VSIR: variants seen among roughly 807,000 people sequenced by gnomAD.
The protein encoded by VSIR is V-set immunoregulatory receptor, also known as V-type immunoglobulin domain-containing suppressor of T-cell activation.
In VSIR, 10 loss-of-function variants were observed where a neutral mutation model predicts 31.0. That is an observed-to-expected ratio of 0.32 (90% CI 0.20 to 0.55). The LOEUF is 0.55. VSIR is among the 20% of genes least tolerant of loss of function. VSIR has a pLI of 0.93. For missense variants in VSIR, 356 were observed against 416.2 expected (o/e 0.86, Z 1.26); for synonymous variants, 179 against 180.1 (o/e 0.99, Z 0.05).
chr10:71,765,281 C>T (rs565296845), intron 1 of VSIR, among the ~76,000 whole-genome samples: 4 of 152,232 alleles, frequency 2.6e-5, no homozygotes, highest in African/African-American at 4.8e-5. Context: ...GCTTCAGCTA[C>T]GGTAGTATTT....
intron 5 of VSIR, among the ~76,000 whole-genome samples, chr10:71,752,730 G>T (rs75964469): frequency 0.079 from 12,077 of 152,220 alleles, 485 homozygotes; most frequent in Middle Eastern, 0.095. Context: ...CCTGGCCCAG[G>T]CTGACCACTG....
intron 1 of VSIR, 120 bp from the exon 2 acceptor site, chr10:71,762,146 C>T: frequency 1.7e-6 from 2 of 1,178,684 alleles, no homozygotes; most frequent in Non-Finnish European, 2.3e-6. Flanking sequence ...GGCATGTCAG[C>T]TGACCTCCCT....
intron 1 of VSIR, among the ~76,000 whole-genome samples, chr10:71,767,798 A>T (rs1327303381): frequency 3.3e-5 from 5 of 152,206 alleles, no homozygotes; most frequent in Admixed American, 3.3e-4. Flanking sequence ...GTGTCCATTC[A>T]CATCAGACCA....
Position 71,760,314 on chromosome 10 carries a change from C to CATATAT in VSIR, c.568+548_568+553dup, listed in dbSNP as rs71018220. On this transcript the variant is annotated intron_variant, in intron 3 of 6. Transcript: ENST00000394957. ...GTGTATATATATGTATATACACACA[C>CATATAT]ATATATATATATATATATCCCTGAG... Among the ~76,000 whole-genome samples the CATATAT allele has an allele frequency of 1.1e-3, 91 of 82,420 alleles. 2 individuals carry two copies. Among genetic ancestry groups the CATATAT allele is most frequent in the African/African-American group, 2.4e-3 (70 of 28,860 alleles). 54.1% of individuals were successfully genotyped at this position (82,420 alleles called of 152,430 possible).
At chr10:71,771,557 G>A (rs897920871) in intron 1 of VSIR, among the ~76,000 whole-genome samples, 2 of 152,202 alleles carry the variant, frequency 1.3e-5, no homozygotes, top group Non-Finnish European at 1.5e-5. Flanking sequence ...AGGGAGTTGG[G>A]TGAATATCTA....
rs764853756 is a variant in VSIR, at chr10:71,761,817, G to A, written c.292C>T (p.His98Tyr). The A allele has an allele frequency of 6.8e-6, 11 of 1,614,130 alleles. No homozygotes were observed. The highest frequency in any genetic ancestry group is 1.6e-4 in the Middle Eastern group (1 of 6,062). The change falls in exon 2 of 7, where the codon CAC becomes TAC. Residue 98 changes from histidine to tyrosine, a missense_variant. His to Tyr is a moderately conservative substitution (Grantham distance 83). Coordinates refer to ENST00000394957, the MANE Select transcript of VSIR (RefSeq NM_022153.2). ...PIRNLTFQDL[H>Y]LHHGGHQAAN... ...GCCTGGTGGCCTCCATGGTGCAGGT[G>A]AAGGTCCTGGAACGTGAGGTTGCGG... is the stretch of plus-strand genomic sequence containing the variant.
rs1448335208 is a variant in VSIR at position 71,748,479 on chromosome 10, C to G, written c.*2774G>C. 2 of 152,276 alleles carry G rather than the reference C, an allele frequency of 1.3e-5. No individual in the cohort carries two copies. Among genetic ancestry groups the G allele is most frequent in the East Asian group, 3.8e-4 (2 of 5,202 alleles). The allele number at this position is 152,276 out of a possible 1,614,324, so 9.4% of individuals were successfully genotyped here. ...AGCAAAACCCTCCAAATGGTGCTTT[C>G]AATTCCATTCCTTCAGCCTCTCCCT... On this transcript the variant is annotated 3_prime_UTR_variant, in exon 7 of 7. Transcript: ENST00000394957.
rs373037223 is a variant in VSIR, at chr10:71,750,413, G to T, written c.*840C>A. On this transcript the variant is annotated 3_prime_UTR_variant, in exon 7 of 7. Transcript: ENST00000394957. ...TTGTGTGGCACCCTTGCAATGGCCC[G>T]CGCTGAGCAGTGGGAGTAGGGGATG... The T allele has an allele frequency of 1.3e-5, 2 of 152,292 alleles. No homozygotes were observed. Among genetic ancestry groups the T allele is most frequent in the African/African-American group, 2.4e-5 (1 of 41,458 alleles). 9.4% of individuals were successfully genotyped at this position (152,292 alleles called of 1,614,324 possible).
At chr10:71,763,218 G>A (rs894982575) in intron 1 of VSIR, among the ~76,000 whole-genome samples, 2 of 152,176 alleles carry the variant, frequency 1.3e-5, no homozygotes, top group Non-Finnish European at 2.9e-5. Context: ...CTGTTGCCCA[G>A]GCTGACCTTG....
chr10:71,752,437 G>T (rs1173356131), intron 5 of VSIR, among the ~76,000 whole-genome samples: 1 of 152,108 alleles, frequency 6.6e-6, no homozygotes, highest in Non-Finnish European at 1.5e-5. Flanking sequence ...CAGGAACTTG[G>T]GTTCCCTGAA....
intron 4 of VSIR, chr10:71,755,116 A>C (rs1449868159): frequency 1.5e-6 from 1 of 648,706 alleles, no homozygotes; most frequent in South Asian, 1.5e-5. Context: ...ACATGTATTG[A>C]GTGCCGAGCC....
chr10:71,753,310 T>C (rs1198973417), intron 4 of VSIR, among the ~76,000 whole-genome samples: 1 of 152,256 alleles, frequency 6.6e-6, no homozygotes. Context: ...CTTTCTCCTA[T>C]GGCTTGACTT....
rs1199726383 is a variant in VSIR at position 71,749,118 on chromosome 10, TCAG to T, written c.*2132_*2134del. On this transcript the variant is annotated 3_prime_UTR_variant, in exon 7 of 7. Coordinates refer to ENST00000394957, the MANE Select transcript of VSIR (RefSeq NM_022153.2). ...CTTAGAAGTTGTCTCTGCCTCAAGG[TCAG>T]CAGCTGAGGGCTGGGGCCAGGCCAG... 2.0e-5 allele frequency: 3 copies of T among 152,052 alleles called. No individual in the cohort carries two copies. Among genetic ancestry groups the T allele is most frequent in the Admixed American group, 2.0e-4 (3 of 15,294 alleles). 9.4% of individuals were successfully genotyped at this position (152,052 alleles called of 1,614,324 possible).
At position 71,761,882 on chromosome 10, in the gene VSIR, G is replaced by C. The variant is rs572650329; in HGVS notation, c.227C>G (p.Ser76Trp). Residue 76 changes from serine (S) to tryptophan (W), a missense_variant, in exon 2 of 7, where the codon TCG becomes TGG. Physicochemically the swap from Ser to Trp is radical, Grantham distance 177 (BLOSUM62 -3). Transcript: ENST00000394957. ...TGAGCAGGTCTGCACCTCGCCCCTCGAGCTGCGGTACCACGTCTTGTAGAA... is the reference window on the plus strand; with the variant it reads ...TGAGCAGGTCTGCACCTCGCCCCTCCAGCTGCGGTACCACGTCTTGTAGAA... Reference protein sequence around the residue: ...VTFYKTWYRSSRGEVQTCSER... With the variant: ...VTFYKTWYRSWRGEVQTCSER... 6.2e-7 allele frequency: 1 copy of C among 1,614,088 alleles called. No homozygotes were observed. Among genetic ancestry groups the C allele is most frequent in the Non-Finnish European group, 8.5e-7 (1 of 1,180,014 alleles).
At chr10:71,761,494 C>T (rs1241906492) in intron 2 of VSIR, 104 bp downstream of exon 2, 1 of 1,317,918 alleles carries the variant, frequency 7.6e-7, no homozygotes, top group Non-Finnish European at 1.0e-6. Context: ...CCAGTGTTAC[C>T]CATGCAGCCT....
In VSIR at chr10:71,755,459, C is replaced by T. The variant is rs111832632; in HGVS notation, c.576G>A (p.Thr192=). ...AGGCACCCGTAGCCAGGGCTGCAGC[C>T]GTGATGTCTGAAAGGGCAGAGAGGT... The part of the protein sequence containing the change: ...PSSSQDSENI[T]AAALATGACI... The change falls in exon 4 of 7, where the codon ACG becomes ACA. Residue 192 remains threonine (T), a synonymous_variant. Transcript: ENST00000394957. 8.1e-6 allele frequency: 13 copies of T among 1,610,896 alleles called. No individual in the cohort carries two copies. The highest frequency in any genetic ancestry group is 2.2e-5 in the East Asian group (1 of 44,806).
intron 3 of VSIR, among the ~76,000 whole-genome samples, chr10:71,759,854 C>CACACACATATATAT (rs1554868480): frequency 5.5e-5 from 6 of 109,202 alleles, no homozygotes; most frequent in Non-Finnish European, 1.0e-4. Flanking sequence ...CACATATACA[C>CACACACATATATAT]ACACACACAC....
Position 71,766,188 on chromosome 10 carries a change from G to T in VSIR, c.83-4162C>A, listed in dbSNP as rs891650628. ...CTTATTGTCAGGAGCAGATCCTTTT[G>T]GACACCTGGGTCATTGTCGGAGACC... On this transcript the variant is annotated intron_variant, in intron 1 of 6. Transcript: ENST00000394957. 3.5e-4 allele frequency among the ~76,000 whole-genome samples: 54 copies of T among 152,342 alleles called. No homozygotes were observed. The Middle Eastern group carries it at 0.017, about 48-fold the overall frequency.
At chr10:71,757,955 T>C (rs2132877010) in intron 3 of VSIR, among the ~76,000 whole-genome samples, 1 of 152,282 alleles carries the variant, frequency 6.6e-6, no homozygotes, top group East Asian at 1.9e-4. Context: ...TTCTCTAGTC[T>C]CATTCCCCTA....
Sources: allele counts gnomAD v4.1 joint callset (sites outside exome capture counted in the v4.1 genomes callset), GRCh38; gene constraint gnomAD v4.1.1; transcripts MANE v1.5; gene names NCBI Gene and HGNC (gene_info 2026-07-23, HGNC 2026-07-21).